The following TG variants were observed in gnomAD, a reference collection of about 807,000 sequenced individuals.
TG encodes thyroglobulin, also known as thyroid hormones.
TG carries 270 observed loss-of-function variants against 324.7 expected under a neutral mutation model. The observed-to-expected ratio is 0.83, with a 90% confidence interval of 0.75 to 0.92. The LOEUF (loss-of-function observed/expected upper bound fraction) is 0.92. TG is among the 40% of genes least tolerant of loss of function. TG has a pLI of 0.00. For missense variants in TG, 3,591 were observed against 3,456.4 expected (o/e 1.04, Z -0.98); for synonymous variants, 1,401 against 1,327.0 (o/e 1.06, Z -1.21).
chr8:132,877,785 A>C (rs1384452827), intron 5 of TG, among the ~76,000 whole-genome samples: 1 of 152,222 alleles, frequency 6.6e-6, no homozygotes, highest in African/African-American at 2.4e-5. Flanking sequence ...ACAAAAGGCA[A>C]ACATCCTTTT....
intron 35 of TG, among the ~76,000 whole-genome samples, chr8:133,000,796 T>C (rs958902898): frequency 6.6e-6 from 1 of 152,176 alleles, no homozygotes; most frequent in Non-Finnish European, 1.5e-5. Context: ...CCTCTGTAAA[T>C]CAGTGAGTGG....
intron 34 of TG, among the ~76,000 whole-genome samples, chr8:132,978,419 G>A (rs1402456010): frequency 6.6e-6 from 1 of 152,128 alleles, no homozygotes; most frequent in Admixed American, 6.5e-5. Context: ...CATGAGATTT[G>A]GAGGGGACAC....
At chr8:132,916,536 A>T (rs2687819) in intron 20 of TG, among the ~76,000 whole-genome samples, 1 of 152,046 alleles carries the variant, frequency 6.6e-6, no homozygotes, top group Non-Finnish European at 1.5e-5. Context: ...ATAAAGCAGG[A>T]TTCTCTGTGT....
At chr8:133,006,594 A>G (rs1430519817) in intron 35 of TG, among the ~76,000 whole-genome samples, 1 of 152,248 alleles carries the variant, frequency 6.6e-6, no homozygotes, top group Non-Finnish European at 1.5e-5. Flanking sequence ...TGATTGAAAG[A>G]ACAAATATAC....
At chr8:133,075,997 C>T (rs769898120) in intron 41 of TG, 2 of 152,126 alleles carry the variant, frequency 1.3e-5, no homozygotes, top group East Asian at 1.9e-4. Context: ...CATATAAAAT[C>T]TCCCTACTTA....
At chr8:132,867,093 G>A (rs771941240) in intron 1 of TG, 26 bp downstream of exon 1, 1 of 1,580,972 alleles carries the variant, frequency 6.3e-7, no homozygotes, top group South Asian at 1.1e-5. Context: ...ATGGAGCCAG[G>A]CGGTGGGGAG....
intron 23 of TG, among the ~76,000 whole-genome samples, chr8:132,929,411 T>C (rs1822360342): frequency 6.6e-6 from 1 of 152,218 alleles, no homozygotes; most frequent in Non-Finnish European, 1.5e-5. Context: ...ACATGGCACA[T>C]GTTAAGGAGT....
At chr8:133,005,118 T>C (rs938052775) in intron 35 of TG, among the ~76,000 whole-genome samples, 21 of 152,188 alleles carry the variant, frequency 1.4e-4, no homozygotes, top group African/African-American at 5.1e-4. Context: ...CTTGCTAAGC[T>C]CGTGAAACCT....
At chr8:133,022,527 C>T (rs886501151) in intron 40 of TG, among the ~76,000 whole-genome samples, 1 of 152,132 alleles carries the variant, frequency 6.6e-6, no homozygotes, top group African/African-American at 2.4e-5. Flanking sequence ...CCTGAACAAC[C>T]CCAGGGGATG....
At chr8:132,955,722 G>A (rs1282798967) in intron 27 of TG, among the ~76,000 whole-genome samples, 4 of 152,220 alleles carry the variant, frequency 2.6e-5, no homozygotes, top group Non-Finnish European at 4.4e-5. Context: ...CTGGACAGCA[G>A]CTTTTCCATG....
Position 132,946,063 on chromosome 8 carries a change from CA to C in TG, c.5234-2712del, listed in dbSNP as rs762002243. Among the ~76,000 whole-genome samples, 1,068 of 151,198 alleles carry C rather than the reference CA, an allele frequency of 7.1e-3. 5 individuals carry two copies. Among genetic ancestry groups the C allele is most frequent in the Non-Finnish European group, 9.2e-3 (623 of 67,658 alleles). On this transcript the variant is annotated intron_variant, in intron 26 of 47. Transcript: ENST00000220616. ...ACACACACACACACACACACACACA[CA>C]CACACACACCCTATATTTGTCTTGA...
At chr8:132,876,243 A>C (rs919151572) in intron 5 of TG, among the ~76,000 whole-genome samples, 5 of 152,052 alleles carry the variant, frequency 3.3e-5, no homozygotes, top group African/African-American at 1.2e-4. Flanking sequence ...GACAGCCAAG[A>C]GATGGGGTGA....
chr8:132,937,765 T>G (rs1823820192), intron 25 of TG, among the ~76,000 whole-genome samples: 1 of 152,140 alleles, frequency 6.6e-6, no homozygotes, highest in Non-Finnish European at 1.5e-5. Context: ...AGTGTTTATT[T>G]TTTTTTTCAA....
In TG at chr8:133,094,482, C is replaced by T. The variant is rs2739179; in HGVS notation, c.7240-562C>T. The T allele has an allele frequency of 9.7e-4, 170 of 176,120 alleles. 5 individuals are homozygous for T. The South Asian group carries it at 0.019, about 19-fold the overall frequency. The allele number at this position is 176,120 out of a possible 1,614,324, so 10.9% of individuals were successfully genotyped here. A position where few individuals can be genotyped will look rare whatever the true frequency, so the allele number is the denominator to read the frequency against. On this transcript the variant is annotated intron_variant, in intron 41 of 47. Coordinates refer to ENST00000220616, the MANE Select transcript of TG (RefSeq NM_003235.5). ...GTCTCGATCTCCTGACCTTGTGATC[C>T]GCCCACCTCAGCCTCCCAAAGTGAG...
At chr8:133,126,182 G>GA (rs765792172) in intron 45 of TG, among the ~76,000 whole-genome samples, 14 of 152,150 alleles carry the variant, frequency 9.2e-5, no homozygotes, top group Non-Finnish European at 1.3e-4. Context: ...GGTTAAGCTG[G>GA]AAAATGCTGT....
At chr8:133,099,455 C>T (rs1848922511) in intron 43 of TG, among the ~76,000 whole-genome samples, 1 of 152,222 alleles carries the variant, frequency 6.6e-6, no homozygotes, top group African/African-American at 2.4e-5. Context: ...CTCAGTGCCA[C>T]TGCATGCAAT....
chr8:133,099,153 A>T lies in TG; in HGVS notation c.7572+2780A>T, dbSNP rs1348660134. Reference sequence around the variant, plus strand: ...CCAGCATTGAAGTTGGGCACCCCCAAATAGAGAAGCCTCTCTAAGGGCACA... The same window carrying T: ...CCAGCATTGAAGTTGGGCACCCCCATATAGAGAAGCCTCTCTAAGGGCACA... On this transcript the variant is annotated intron_variant, in intron 43 of 47. Coordinates refer to ENST00000220616, the MANE Select transcript of TG (RefSeq NM_003235.5). Among the ~76,000 whole-genome samples the T allele has an allele frequency of 4.6e-5, 7 of 152,228 alleles. 1 individual carries two copies. The highest frequency in any genetic ancestry group is 1.0e-4 in the Non-Finnish European group (7 of 68,024).
chr8:133,055,365 GCACACACACACACA>G (rs869172140), intron 41 of TG, among the ~76,000 whole-genome samples: 53 of 62,276 alleles, frequency 8.5e-4, no homozygotes, highest in African/African-American at 5.0e-3. Context: ...ACGCACGCGC[GCACACACACACACA>G]CACACACACA....
At chr8:132,945,895 G>A (rs1243584735) in intron 26 of TG, among the ~76,000 whole-genome samples, 2 of 152,128 alleles carry the variant, frequency 1.3e-5, no homozygotes, top group African/African-American at 4.8e-5. Flanking sequence ...TGGTTGAGGT[G>A]GCTAAAATGA....
Sources: gnomAD v4.1 joint callset for allele counts (sites outside exome capture counted in the v4.1 genomes callset) on GRCh38, gnomAD v4.1.1 for gene constraint, MANE v1.5 for transcripts, NCBI Gene and HGNC (gene_info 2026-07-23, HGNC 2026-07-21) for gene names.